C1orf185: variants seen among roughly 807,000 people sequenced by gnomAD.
C1orf185 encodes the protein chromosome 1 open reading frame 185.
A neutral mutation model predicts 16.1 loss-of-function variants in C1orf185; 13 were observed. The observed-to-expected ratio is 0.81, with a 90% CI of 0.53 to 1.28. The LOEUF (loss-of-function observed/expected upper bound fraction) is 1.28. C1orf185 is among the 50% of genes most tolerant of loss of function. The pLI, the probability that C1orf185 is intolerant of heterozygous loss-of-function variation, is 0.00. For synonymous variants in C1orf185, 80 were observed against 76.9 expected (o/e 1.04, Z -0.21); for missense variants, 220 against 225.2 (o/e 0.98, Z 0.15).
chr1:51,124,297 G>T (rs1175937397), intron 3 of C1orf185, among the ~76,000 whole-genome samples: 1 of 152,308 alleles, frequency 6.6e-6, no homozygotes, highest in Non-Finnish European at 1.5e-5. Flanking sequence ...GGCCAGCCTG[G>T]TCTTGAACTC....
At chr1:51,150,012 A>G (rs1646423102), downstream of C1orf185, among the ~76,000 whole-genome samples, 1 of 152,180 alleles carries the variant, frequency 6.6e-6, no homozygotes, top group African/African-American at 2.4e-5. Context: ...GGCTTTGTTA[A>G]GGAACCCTTG....
chr1:51,123,132 T>C (rs1646210210), intron 3 of C1orf185, among the ~76,000 whole-genome samples: 1 of 152,178 alleles, frequency 6.6e-6, no homozygotes, highest in South Asian at 2.1e-4. Context: ...GGGCTGAGTG[T>C]GCTAGTTCAA....
intron 3 of C1orf185, among the ~76,000 whole-genome samples, chr1:51,123,115 G>A (rs1646210072): frequency 6.6e-6 from 1 of 152,200 alleles, no homozygotes; most frequent in South Asian, 2.1e-4. Flanking sequence ...GGCATCACAT[G>A]GTGAAGGGGC....
intron 3 of C1orf185, among the ~76,000 whole-genome samples, chr1:51,137,729 A>G (rs1646336776): frequency 6.6e-6 from 1 of 152,150 alleles, no homozygotes; most frequent in South Asian, 2.1e-4. Context: ...ATAAATTGTT[A>G]GATTATAAAG....
chr1:51,126,384 C>A (rs991916455), intron 3 of C1orf185, among the ~76,000 whole-genome samples: 1 of 152,036 alleles, frequency 6.6e-6, no homozygotes, highest in Non-Finnish European at 1.5e-5. Flanking sequence ...CTACCTCAGC[C>A]TCCTGAGTAG....
intron 3 of C1orf185, among the ~76,000 whole-genome samples, chr1:51,142,426 C>T (rs1646370952): frequency 6.6e-6 from 1 of 152,190 alleles, no homozygotes; most frequent in African/African-American, 2.4e-5. Context: ...TGAAGGCATA[C>T]AGTGTTTATC....
In C1orf185 at chr1:51,110,847, T is replaced by C. The variant is rs560765008; in HGVS notation, c.17-1617T>C. The stretch of plus-strand genomic sequence containing the variant: ...AGCCTGGCGTGGTGGTGTGCACCTG[T>C]AGTCCCAGCTACTTGGGAGGGTGAG... On this transcript the variant is annotated intron_variant, in intron 1 of 4. Coordinates refer to ENST00000371759, the MANE Select transcript of C1orf185 (RefSeq NM_001136508.2). 2.0e-5 allele frequency among the ~76,000 whole-genome samples: 3 copies of C among 152,178 alleles called. No homozygotes were observed. In the East Asian group the frequency reaches 5.8e-4, roughly 29 times the overall value.
At chr1:51,110,823 G>T (rs1031854882) in intron 1 of C1orf185, among the ~76,000 whole-genome samples, 18 of 151,982 alleles carry the variant, frequency 1.2e-4, no homozygotes, top group Admixed American at 9.2e-4. Flanking sequence ...ACAAAAATTA[G>T]CCTGGCGTGG....
intron 3 of C1orf185, among the ~76,000 whole-genome samples, chr1:51,132,147 C>G (rs939811078): frequency 6.6e-6 from 1 of 152,068 alleles, no homozygotes; most frequent in Non-Finnish European, 1.5e-5. Context: ...TAGATAAACC[C>G]ACAGTGCAAA....
chr1:51,114,279 C>A (rs1260302482), intron 2 of C1orf185, among the ~76,000 whole-genome samples: 2 of 152,188 alleles, frequency 1.3e-5, no homozygotes, highest in Non-Finnish European at 2.9e-5. Flanking sequence ...TTTATTTGTG[C>A]CATTGGCAGT....
intron 3 of C1orf185, among the ~76,000 whole-genome samples, chr1:51,127,290 AT>A (rs1344235433): frequency 3.7e-4 from 53 of 145,012 alleles, no homozygotes; most frequent in Middle Eastern, 7.0e-3. Context: ...ATTTTTTGTC[AT>A]TTTTTTTTTT....
intron 1 of C1orf185, among the ~76,000 whole-genome samples, chr1:51,110,359 G>A (rs922399153): frequency 6.6e-6 from 1 of 152,074 alleles, no homozygotes; most frequent in African/African-American, 2.4e-5. Context: ...GGGGCATTTG[G>A]AGTTTTTATA....
rs1282273498 is a variant in C1orf185, at chr1:51,118,773, A to G, written c.230A>G (p.Asn77Ser). The change falls in exon 3 of 5, where the codon AAT (asparagine) becomes AGT (serine). Residue 77 changes from asparagine to serine, a missense_variant. Coordinates refer to ENST00000371759, the MANE Select transcript of C1orf185 (RefSeq NM_001136508.2). The stretch of plus-strand genomic sequence containing the variant: ...TCTCAGTGTGTTTTTATTTCTCGAA[A>G]TTTTCATACTGGGAGATTCCAATTA... ...SHSQCVFISRNFHTGRFQLQE... is the reference protein window; with the variant it reads ...SHSQCVFISRSFHTGRFQLQE... 1 of 1,475,914 alleles carries G rather than the reference A, an allele frequency of 6.8e-7. No individual in the cohort carries two copies. 91.4% of individuals were successfully genotyped at this position (1,475,914 alleles called of 1,614,324 possible). A position where few individuals can be genotyped will look rare whatever the true frequency, so the allele number is the denominator to read the frequency against.
intron 1 of C1orf185, among the ~76,000 whole-genome samples, chr1:51,107,746 G>C (rs1646084416): frequency 6.6e-6 from 1 of 152,170 alleles, no homozygotes; most frequent in African/African-American, 2.4e-5. Context: ...TGATGTTGGT[G>C]TTTGAACTTT....
chr1:51,102,297 A>G (rs535213673), intron 1 of C1orf185, 48 bp downstream of exon 1: 1 of 707,938 alleles, frequency 1.4e-6, no homozygotes, highest in Admixed American at 2.0e-5. Context: ...TGGGAAGAAG[A>G]GGAAAATATA....
At chr1:51,108,592 C>T (rs1285876537) in intron 1 of C1orf185, among the ~76,000 whole-genome samples, 1 of 152,150 alleles carries the variant, frequency 6.6e-6, no homozygotes, top group African/African-American at 2.4e-5. Flanking sequence ...CCCCCACTCC[C>T]TTCCCAGTCT....
chr1:51,147,194 GCAAT>G (rs1294796176), intron 4 of C1orf185, among the ~76,000 whole-genome samples: 4 of 152,000 alleles, frequency 2.6e-5, no homozygotes, highest in African/African-American at 4.8e-5. Context: ...TTAAAATAAG[GCAAT>G]CAGTCTTTTC....
intron 3 of C1orf185, among the ~76,000 whole-genome samples, chr1:51,120,333 G>T (rs1476959433): frequency 6.6e-6 from 1 of 152,162 alleles, no homozygotes; most frequent in African/African-American, 2.4e-5. Flanking sequence ...AATTCTGACT[G>T]TACCACCAAT....
At chr1:51,115,838 G>A (rs1010434506) in intron 2 of C1orf185, among the ~76,000 whole-genome samples, 1 of 152,208 alleles carries the variant, frequency 6.6e-6, no homozygotes, top group Non-Finnish European at 1.5e-5. Flanking sequence ...GAGATGAAAA[G>A]ATGGAGTTGG....
Sources: gnomAD v4.1 joint callset for allele counts (sites outside exome capture counted in the v4.1 genomes callset) on GRCh38, gnomAD v4.1.1 for gene constraint, MANE v1.5 for transcripts, NCBI Gene and HGNC (gene_info 2026-07-23, HGNC 2026-07-21) for gene names.